The following ALG12 variants were observed in gnomAD, a reference collection of about 807,000 sequenced individuals.
ALG12 encodes dol-P-Man:Man(7)GlcNAc(2)-PP-Dol alpha-1,6-mannosyltransferase.
Under a neutral mutation model 46.0 loss-of-function variants are expected in ALG12, and 36 were observed. The observed-to-expected ratio is 0.78, with a 90% CI of 0.60 to 1.03. The LOEUF (loss-of-function observed/expected upper bound fraction) is 1.03. Ranked by LOEUF, ALG12 falls within the 50% of genes least tolerant of loss-of-function variation. The probability of loss-of-function intolerance (pLI) is 0.00; values close to 1 mark genes in which losing one functional copy is unlikely to be tolerated. For missense variants in ALG12, 599 were observed against 633.5 expected (o/e 0.95, Z 0.58); for synonymous variants, 326 against 291.6 (o/e 1.12, Z -1.20).
the ALG12 span, among the ~76,000 whole-genome samples, chr22:49,867,172 A>C: frequency 1.3e-5 from 2 of 152,222 alleles, no homozygotes; most frequent in African/African-American, 4.8e-5. Context: ...TGAGTTATTT[A>C]GAATTGTATT....
At chr22:49,882,614 C>T in the ALG12 span, among the ~76,000 whole-genome samples, 5 of 152,224 alleles carry the variant, frequency 3.3e-5, no homozygotes, top group African/African-American at 9.7e-5. Flanking sequence ...CCCTGTTCTC[C>T]GTCTTGCCCT....
At chr22:49,871,760 T>A in the ALG12 span, among the ~76,000 whole-genome samples, 10 of 128,696 alleles carry the variant, frequency 7.8e-5, no homozygotes, top group African/African-American at 2.3e-4. Flanking sequence ...TTTATTTATT[T>A]TTTTTTTTTT....
the ALG12 span, among the ~76,000 whole-genome samples, chr22:49,890,547 G>A: frequency 4.6e-5 from 7 of 152,108 alleles, no homozygotes; most frequent in Non-Finnish European, 7.3e-5. Flanking sequence ...GAGCAAAATC[G>A]GGACTGTAAG....
At chr22:49,912,794 G>C (rs1458953099) in intron 3 of ALG12, among the ~76,000 whole-genome samples, 1 of 152,148 alleles carries the variant, frequency 6.6e-6, no homozygotes, top group African/African-American at 2.4e-5. Context: ...TTGAGCCCAG[G>C]AGTTCAAAGC....
chr22:49,896,903 A>G (rs143742545), downstream of ALG12, among the ~76,000 whole-genome samples: 1,025 of 151,916 alleles, frequency 6.7e-3, 9 homozygotes, highest in African/African-American at 0.023. Context: ...GGCCTCCCAA[A>G]GTGCTGGGAT....
At chr22:49,887,330 G>A in the ALG12 span, 1 of 742,474 alleles carries the variant, frequency 1.3e-6, no homozygotes, top group Non-Finnish European at 2.1e-6. Context: ...GTCTCCACGT[G>A]CCTTACCCCT....
the ALG12 span, among the ~76,000 whole-genome samples, chr22:49,890,479 C>T: frequency 4.5e-3 from 683 of 152,050 alleles, 3 homozygotes; most frequent in Non-Finnish European, 7.7e-3. Context: ...ACATTATTAA[C>T]GGAAGAAAAA....
In ALG12 at chr22:49,913,729, G is replaced by A; in HGVS notation, c.37C>T (p.Leu13=). The change falls in exon 2 of 10, where the codon CTG becomes TTG. Residue 13 remains leucine (L), a synonymous_variant. Transcript: ENST00000330817. ...GCTACGGCCACCAGCAGCCCCAGCA[G>A]CAGGGGCCGCCTGCCTGATGACCCC... The part of the protein sequence containing the change: ...GKGSSGRRPL[L]LGLLVAVATV... 1 of 1,613,720 alleles carries A rather than the reference G, an allele frequency of 6.2e-7. No homozygotes were observed. Among genetic ancestry groups the A allele is most frequent in the Non-Finnish European group, 8.5e-7 (1 of 1,180,040 alleles).
At chr22:49,887,737 G>T in the ALG12 span, 1 of 167,264 alleles carries the variant, frequency 6.0e-6, no homozygotes, top group Non-Finnish European at 1.5e-5. Flanking sequence ...TGTTTACTAC[G>T]ACAGAGACGT....
chr22:49,893,579 T>A, the ALG12 span, among the ~76,000 whole-genome samples: 1 of 152,122 alleles, frequency 6.6e-6, no homozygotes, highest in Non-Finnish European at 1.5e-5. Flanking sequence ...AAAGTGAGGA[T>A]GAACTTAAGT....
rs1288014427 is a variant in ALG12, at chr22:49,900,392, A to C, written c.*3446T>G. 6.6e-6 allele frequency: 1 copy of C among 152,170 alleles called. No individual in the cohort carries two copies. Among genetic ancestry groups the C allele is most frequent in the Non-Finnish European group, 1.5e-5 (1 of 68,044 alleles). 9.4% of individuals were successfully genotyped at this position (152,170 alleles called of 1,614,324 possible). ...ATCTAGAAGGATGGTCACACTCTAC[A>C]AACCTAACAGGATGGGGGTGTGGGG... On this transcript the variant is annotated 3_prime_UTR_variant, in exon 10 of 10. Transcript: ENST00000330817.
At chr22:49,868,532 T>C in the ALG12 span, among the ~76,000 whole-genome samples, 1 of 152,138 alleles carries the variant, frequency 6.6e-6, no homozygotes, top group Admixed American at 6.5e-5. Flanking sequence ...TGAGCCAAGA[T>C]TGTGCCACTG....
downstream of ALG12, among the ~76,000 whole-genome samples, chr22:49,899,677 T>G (rs1374659009): frequency 6.6e-6 from 1 of 151,712 alleles, no homozygotes; most frequent in Non-Finnish European, 1.5e-5. Flanking sequence ...AAGACACACC[T>G]CAAACAATAT....
Position 49,910,469 on chromosome 22 carries a change from G to A in ALG12, c.434C>T (p.Thr145Met), listed in dbSNP as rs748460466. The change falls in exon 4 of 10, where the codon ACG becomes ATG. Residue 145 changes from threonine (T) to methionine (M), a missense_variant. Coordinates refer to ENST00000330817, the MANE Select transcript of ALG12 (RefSeq NM_024105.4). ...GGCCAGCACATTGGGCAGTGTCCGC[G>A]TGCAGTAGAACATCAGGTGGAACTG... is the stretch of plus-strand genomic sequence containing the variant. ...AMQFHLMFYC[T>M]RTLPNVLALP... 1.7e-5 allele frequency: 27 copies of A among 1,613,658 alleles called. No homozygotes were observed. The highest frequency in any genetic ancestry group is 5.3e-5 in the African/African-American group (4 of 74,938).
chr22:49,916,721 T>TG (rs1366477060), intron 1 of ALG12, among the ~76,000 whole-genome samples: 3 of 152,286 alleles, frequency 2.0e-5, no homozygotes, highest in South Asian at 4.1e-4. Context: ...GAAGCTGACA[T>TG]GGGGGGTACT....
At chr22:49,877,811 G>A in the ALG12 span, among the ~76,000 whole-genome samples, 30 of 151,950 alleles carry the variant, frequency 2.0e-4, no homozygotes, top group East Asian at 5.8e-4. Context: ...TCTGCCCCTC[G>A]TGGCCCCTCC....
the ALG12 span, among the ~76,000 whole-genome samples, chr22:49,878,429 T>C: frequency 2.0e-5 from 3 of 151,756 alleles, no homozygotes; most frequent in Middle Eastern, 3.4e-3. Flanking sequence ...GGTGGAGCGA[T>C]AGAGAATCCA....
At chr22:49,881,762 G>A in the ALG12 span, among the ~76,000 whole-genome samples, 1 of 152,048 alleles carries the variant, frequency 6.6e-6, no homozygotes, top group Non-Finnish European at 1.5e-5. Context: ...CAAACTTGTG[G>A]TTTCAAGCGA....
At chr22:49,894,398 G>A in the ALG12 span, among the ~76,000 whole-genome samples, 1 of 152,234 alleles carries the variant, frequency 6.6e-6, no homozygotes, top group Non-Finnish European at 1.5e-5. Flanking sequence ...CCAATTAAGT[G>A]TGTTAGATTG....
Sources: gnomAD v4.1 joint callset for allele counts (sites outside exome capture counted in the v4.1 genomes callset) on GRCh38, gnomAD v4.1.1 for gene constraint, MANE v1.5 for transcripts, NCBI Gene and HGNC (gene_info 2026-07-23, HGNC 2026-07-21) for gene names.